Variants in TTLL8 observed in about 807,000 individuals in gnomAD.
The protein encoded by TTLL8 is tubulin tyrosine ligase like 8.
Under a neutral mutation model 77.8 loss-of-function variants are expected in TTLL8, and 65 were observed. The observed-to-expected ratio is 0.84, with a 90% CI of 0.68 to 1.03. The LOEUF (loss-of-function observed/expected upper bound fraction) is 1.03, where lower values mean the gene tolerates loss of function less well. TTLL8 is among the 50% of genes least tolerant of loss of function. TTLL8 has a pLI of 0.00. For missense variants in TTLL8, 910 were observed against 1,004.5 expected, an observed-to-expected ratio of 0.91 and a Z score of 1.27; for synonymous variants, 402 against 422.8, an observed-to-expected ratio of 0.95 and a Z score of 0.60.
At chr22:50,030,380 G>A (rs1391810793) in intron 12 of TTLL8, 50 bp downstream of exon 13, 10 of 1,257,376 alleles carry the variant, frequency 8.0e-6, no homozygotes, top group Non-Finnish European at 9.2e-6. Context: ...GGTTGGGGAT[G>A]CAGCAGGCGG....
At chr22:50,027,403 G>A (rs1302687193) in intron 12 of TTLL8, among the ~76,000 whole-genome samples, 1 of 151,622 alleles carries the variant, frequency 6.6e-6, no homozygotes, top group African/African-American at 2.4e-5. Flanking sequence ...GCATGGTGGT[G>A]GGCGCCTGTG....
chr22:50,041,229 C>A lies in TTLL8; in HGVS notation c.879G>T (p.Lys293Asn), dbSNP rs775132158. Reference sequence around the variant, plus strand: ...TGGGGGGCTCAAATGACATCATAACCTTCTGGATTTTGAAGATGCACAAGA... The same window carrying A: ...TGGGGGGCTCAAATGACATCATAACATTCTGGATTTTGAAGATGCACAAGA... Residue 293 changes from lysine (K) to asparagine (N), a missense_variant, in exon 8 of 14, where the codon AAG becomes AAT. Around this residue, in one of 2 missense-constraint regions of TTLL8, gnomAD observed 776 missense variants for 926.1 expected, o/e 0.84. Transcript: ENST00000266182. This position sits in a 1 kb window ranked among gnomAD's most constrained non-coding sequence, Gnocchi z 4.3. 1 of 485,466 alleles carries A rather than the reference C, an allele frequency of 2.1e-6. No homozygotes were observed. Among genetic ancestry groups the A allele is most frequent in the South Asian group, 1.6e-5 (1 of 62,438 alleles). The allele number at this position is 485,466 out of a possible 1,614,324, so 30.1% of individuals were successfully genotyped here. A position where few individuals can be genotyped will look rare whatever the true frequency, so the allele number is the denominator to read the frequency against.
chr22:50,033,657 G>A (rs1601917838), intron 9 of TTLL8, among the ~76,000 whole-genome samples: 2 of 152,324 alleles, frequency 1.3e-5, no homozygotes, highest in East Asian at 3.9e-4. Flanking sequence ...AGTCCCCCAG[G>A]CTCTCCCCCA....
chr22:50,046,965 GAC>G (rs748021395), intron 4 of TTLL8: 42 of 575,262 alleles, frequency 7.3e-5, no homozygotes, highest in Non-Finnish European at 8.8e-5. Flanking sequence ...TTCACCCAGA[GAC>G]ACAGAGCAAA....
intron 8 of TTLL8, among the ~76,000 whole-genome samples, chr22:50,039,061 T>C (rs2061353052): frequency 6.6e-6 from 1 of 152,220 alleles, no homozygotes; most frequent in African/African-American, 2.4e-5. Context: ...TTAAATAATA[T>C]TTCGGTTAAA....
chr22:50,052,367 C>G (rs1354932366), intron 1 of TTLL8, among the ~76,000 whole-genome samples: 1 of 152,028 alleles, frequency 6.6e-6, no homozygotes, highest in Non-Finnish European at 1.5e-5. Context: ...AGGAAACCAC[C>G]AAAGGAATAA....
chr22:50,033,204 G>T, exon 10 of TTLL8: 1 of 1,347,352 alleles, frequency 7.4e-7, no homozygotes, highest in Admixed American at 2.0e-5. Context: ...GCACTGACCT[G>T]TCCAGCTTGT....
At chr22:50,022,853 C>A (rs947336315) in intron 12 of TTLL8, among the ~76,000 whole-genome samples, 1 of 152,238 alleles carries the variant, frequency 6.6e-6, no homozygotes, top group African/African-American at 2.4e-5. Flanking sequence ...CTACAAGTTG[C>A]CAGAATCAAG....
At chr22:50,057,611 G>GGTC (rs1569237329), upstream of TTLL8, among the ~76,000 whole-genome samples, 7 of 35,218 alleles carry the variant, frequency 2.0e-4, 3 homozygotes, top group East Asian at 6.8e-3. Flanking sequence ...GGTTGAGCGG[G>GGTC]AGGTCTGGGT....
intron 8 of TTLL8, among the ~76,000 whole-genome samples, chr22:50,039,550 CTG>C (rs1160771511): frequency 1.3e-5 from 2 of 152,236 alleles, no homozygotes; most frequent in African/African-American, 2.4e-5. Context: ...TATAATCAAA[CTG>C]TTGAAAACCA....
intron 12 of TTLL8, among the ~76,000 whole-genome samples, chr22:50,025,509 C>T (rs560402497): frequency 1.4e-4 from 22 of 151,958 alleles, no homozygotes; most frequent in African/African-American, 3.6e-4. Context: ...CATGGTGGTG[C>T]GTGCCTGTAA....
At chr22:50,025,872 G>C (rs2061227262) in intron 12 of TTLL8, among the ~76,000 whole-genome samples, 1 of 152,188 alleles carries the variant, frequency 6.6e-6, no homozygotes, top group South Asian at 2.1e-4. Context: ...TAAAAACACA[G>C]CCTGACAATA....
chr22:50,030,476 G>A (rs769412367), exon 12 of TTLL8: 12 of 1,346,254 alleles, frequency 8.9e-6, no homozygotes, highest in East Asian at 9.6e-5. Context: ...CTGTCTTCAG[G>A]CCCCGCAGCA....
chr22:50,039,382 G>A (rs908192143), intron 8 of TTLL8, among the ~76,000 whole-genome samples: 24 of 152,134 alleles, frequency 1.6e-4, no homozygotes, highest in African/African-American at 5.3e-4. Context: ...TATGTAACTG[G>A]AGCCCTGGAA....
At chr22:50,051,564 G>A (rs192166713) in intron 1 of TTLL8, among the ~76,000 whole-genome samples, 2 of 152,334 alleles carry the variant, frequency 1.3e-5, no homozygotes, top group Admixed American at 1.3e-4. Flanking sequence ...GAGTACGGTT[G>A]CTGGATCAAA....
rs1467279355 is a variant in TTLL8, at chr22:50,021,971, C to CGACGTGCACTCCTCCATCT, written c.2204-5428_2204-5410dup. ...ATCTGACGTGCACTCCTCCATCTGA[C>CGACGTGCACTCCTCCATCT]GACGTGCACTCCTCCATCTGACGTG... On this transcript the variant is annotated intron_variant, in intron 12 of 13. Coordinates refer to ENST00000266182, the Ensembl canonical transcript of TTLL8. 3.9e-5 allele frequency among the ~76,000 whole-genome samples: 4 copies of CGACGTGCACTCCTCCATCT among 102,844 alleles called. No individual in the cohort carries two copies. In the East Asian group the frequency reaches 1.1e-3, roughly 28 times the overall value. 67.5% of individuals were successfully genotyped at this position (102,844 alleles called of 152,430 possible).
intron 1 of TTLL8, among the ~76,000 whole-genome samples, chr22:50,053,243 A>C (rs2061453720): frequency 6.7e-6 from 1 of 150,354 alleles, no homozygotes; most frequent in South Asian, 2.1e-4. Flanking sequence ...AAAAAAGCAC[A>C]CTCTACACCA....
At chr22:50,055,886 C>A (rs1010137589), upstream of TTLL8, among the ~76,000 whole-genome samples, 16 of 152,038 alleles carry the variant, frequency 1.1e-4, no homozygotes, top group African/African-American at 3.6e-4. Flanking sequence ...AGGCTGAGAC[C>A]TACAGGGCTG....
At chr22:50,048,114 A>ATGTG (rs2061423402) in intron 3 of TTLL8, among the ~76,000 whole-genome samples, 2 of 98,036 alleles carry the variant, frequency 2.0e-5, no homozygotes, top group African/African-American at 8.7e-5. Context: ...CCCCCCAAAA[A>ATGTG]AGTGTGTGTG....
Sources: gnomAD v4.1 joint callset for allele counts (sites outside exome capture counted in the v4.1 genomes callset) on GRCh38, gnomAD v4.1.1 for gene constraint, gnomAD v4.1.1 regional missense constraint, Gnocchi (gnomAD v3.1) non-coding constraint, MANE v1.5 for transcripts, NCBI Gene and HGNC (gene_info 2026-07-23, HGNC 2026-07-21) for gene names.